The following FGF12 variants were observed in gnomAD, a reference collection of about 807,000 sequenced individuals.
FGF12 encodes the protein fibroblast growth factor 12.
Under a neutral mutation model 23.6 loss-of-function variants are expected in FGF12, and 14 were observed. That is an observed-to-expected ratio of 0.59 (90% CI 0.39 to 0.93). The LOEUF is 0.93. Among genes scored for constraint, FGF12 ranks in the 40% least tolerant of loss-of-function variants. The pLI is 0.00. For synonymous variants in FGF12, 62 were observed against 77.3 expected (o/e 0.80, Z 1.04); for missense variants, 175 against 217.8 (o/e 0.80, Z 1.24).
chr3:192,538,358 C>G (rs1175361548), intron 2 of FGF12, among the ~76,000 whole-genome samples: 3 of 152,128 alleles, frequency 2.0e-5, no homozygotes, highest in African/African-American at 7.2e-5. Context: ...TTCTTAGCTC[C>G]ACTTATTGAA....
At chr3:192,456,659 C>T (rs1477111844) in intron 2 of FGF12, among the ~76,000 whole-genome samples, 1 of 151,580 alleles carries the variant, frequency 6.6e-6, no homozygotes, top group African/African-American at 2.4e-5. Context: ...ACTTAAATAC[C>T]ACCACCTAGA....
chr3:192,307,135 T>G (rs1449274017), intron 4 of FGF12, among the ~76,000 whole-genome samples: 1 of 152,210 alleles, frequency 6.6e-6, no homozygotes, highest in Non-Finnish European at 1.5e-5. Context: ...AGGCATCATT[T>G]CATGTGATGG....
Position 192,638,732 on chromosome 3 carries a change from G to A in FGF12, c.13+88449C>T, listed in dbSNP as rs937104138. Among the ~76,000 whole-genome samples the A allele has an allele frequency of 5.1e-4, 78 of 152,174 alleles. 1 individual carries two copies. Among genetic ancestry groups the A allele is most frequent in the Non-Finnish European group, 5.9e-5 (4 of 68,028 alleles). On this transcript the variant is annotated intron_variant, in intron 2 of 5. Coordinates refer to ENST00000445105, the MANE Select transcript of FGF12 (RefSeq NM_004113.6). ...GGTATTAGTTCTCTGTTTTATAGAT[G>A]TGCTCATTTAGCATGAGTTACAGCC... is the stretch of plus-strand genomic sequence containing the variant.
chr3:192,389,304 G>T (rs745424898), intron 2 of FGF12, among the ~76,000 whole-genome samples: 5 of 152,314 alleles, frequency 3.3e-5, no homozygotes, highest in Non-Finnish European at 7.3e-5. Flanking sequence ...AGGTTGCAGT[G>T]AGCAGAGAAG....
chr3:192,165,805 G>C (rs145132925), intron 5 of FGF12, among the ~76,000 whole-genome samples: 124 of 152,256 alleles, frequency 8.1e-4, no homozygotes, highest in Non-Finnish European at 1.6e-3. Context: ...TCAGATTGAA[G>C]GGCAACATAG....
At chr3:192,354,547 TAAG>T (rs1217630445) in intron 3 of FGF12, among the ~76,000 whole-genome samples, 3 of 151,580 alleles carry the variant, frequency 2.0e-5, no homozygotes, top group Non-Finnish European at 4.4e-5. Context: ...TTCCTAAAAA[TAAG>T]AAAAGACATT....
At chr3:192,628,173 T>C (rs927971655) in intron 2 of FGF12, among the ~76,000 whole-genome samples, 2 of 152,126 alleles carry the variant, frequency 1.3e-5, no homozygotes, top group East Asian at 3.8e-4. Context: ...TTGTTAGATA[T>C]CAATAGTTTG....
At chr3:192,300,409 C>A (rs1715274729) in intron 4 of FGF12, among the ~76,000 whole-genome samples, 1 of 152,010 alleles carries the variant, frequency 6.6e-6, no homozygotes, top group African/African-American at 2.4e-5. Flanking sequence ...TAATAGTTTA[C>A]CTTAATTTTT....
Position 192,283,990 on chromosome 3 carries a change from A to T in FGF12, c.228+51371T>A, listed in dbSNP as rs138627634. On this transcript the variant is annotated intron_variant, in intron 4 of 5. Coordinates refer to ENST00000445105, the MANE Select transcript of FGF12 (RefSeq NM_004113.6). The stretch of plus-strand genomic sequence containing the variant: ...TAAGAACATTTGGGATCACTTACAG[A>T]CACAGCTTTCTCCACAGGTAGGCTC... Among the ~76,000 whole-genome samples, 153 of 152,186 alleles carry T rather than the reference A, an allele frequency of 1.0e-3. 1 individual carries two copies. In the East Asian group the frequency reaches 0.026, roughly 26 times the overall value.
intron 2 of FGF12, among the ~76,000 whole-genome samples, chr3:192,550,361 T>C (rs891616587): frequency 6.7e-6 from 1 of 149,874 alleles, no homozygotes; most frequent in Non-Finnish European, 1.5e-5. Flanking sequence ...ATATAATAGA[T>C]TATATGTGTG....
In FGF12 at chr3:192,408,486, C is replaced by T. The variant is rs1225871920; in HGVS notation, c.14-47948G>A. Reference sequence around the variant, plus strand: ...GGGGGCGGGGCGGGGCGGTCCCAGGCCCTCTTGCGAAGTAGACGTTTGCAC... The same window carrying T: ...GGGGGCGGGGCGGGGCGGTCCCAGGTCCTCTTGCGAAGTAGACGTTTGCAC... On this transcript the variant is annotated intron_variant, in intron 2 of 5. Transcript: ENST00000445105. This position sits in a 1 kb window ranked among gnomAD's most constrained non-coding sequence, Gnocchi z 7.3. 3.8e-6 allele frequency: 5 copies of T among 1,315,316 alleles called. No individual in the cohort carries two copies. Among genetic ancestry groups the T allele is most frequent in the Non-Finnish European group, 4.8e-6 (5 of 1,034,488 alleles). The allele number at this position is 1,315,316 out of a possible 1,614,324, so 81.5% of individuals were successfully genotyped here.
At chr3:192,575,530 A>AGAGGAGGAG (rs1331264614) in intron 2 of FGF12, among the ~76,000 whole-genome samples, 1 of 151,970 alleles carries the variant, frequency 6.6e-6, no homozygotes, top group Non-Finnish European at 1.5e-5. Flanking sequence ...AAGAGGAGGA[A>AGAGGAGGAG]GAGGAGGAGG....
chr3:192,172,316 G>A (rs1375147656), intron 4 of FGF12, among the ~76,000 whole-genome samples: 1 of 150,182 alleles, frequency 6.7e-6, no homozygotes, highest in African/African-American at 2.4e-5. Context: ...TTGAACCAGG[G>A]AGGTGGATGT....
chr3:192,207,078 C>T (rs1717690260), intron 4 of FGF12, among the ~76,000 whole-genome samples: 1 of 152,132 alleles, frequency 6.6e-6, no homozygotes, highest in Non-Finnish European at 1.5e-5. Context: ...AAAATGGGAT[C>T]AAATCAAAGC....
chr3:192,693,022 A>G (rs1717996546), intron 2 of FGF12, among the ~76,000 whole-genome samples: 1 of 152,130 alleles, frequency 6.6e-6, no homozygotes, highest in Non-Finnish European at 1.5e-5. Context: ...TCCTATTTGC[A>G]GGTGACATGA....
intron 2 of FGF12, among the ~76,000 whole-genome samples, chr3:192,649,150 T>C (rs1239461916): frequency 2.6e-5 from 4 of 152,190 alleles, no homozygotes; most frequent in Non-Finnish European, 5.9e-5. Flanking sequence ...GTAGCCATGA[T>C]ATGATTTAAC....
chr3:192,524,022 A>G (rs1724883442), intron 2 of FGF12, among the ~76,000 whole-genome samples: 1 of 152,066 alleles, frequency 6.6e-6, no homozygotes, highest in Non-Finnish European at 1.5e-5. Context: ...AAGTCAACTC[A>G]TGGTAGACAT....
intron 2 of FGF12, among the ~76,000 whole-genome samples, chr3:192,564,081 T>C (rs1712167259): frequency 6.6e-6 from 1 of 152,120 alleles, no homozygotes; most frequent in African/African-American, 2.4e-5. Flanking sequence ...TGTTTGTTTT[T>C]GAGACACAGT....
intron 2 of FGF12, among the ~76,000 whole-genome samples, chr3:192,631,024 T>G (rs1221605588): frequency 6.6e-6 from 1 of 152,166 alleles, no homozygotes; most frequent in Admixed American, 6.5e-5. Flanking sequence ...TTTACTAAAC[T>G]GTCTCCGGTT....
Sources: gnomAD v4.1 joint callset for allele counts (sites outside exome capture counted in the v4.1 genomes callset) on GRCh38, gnomAD v4.1.1 for gene constraint, Gnocchi (gnomAD v3.1) non-coding constraint, MANE v1.5 for transcripts, NCBI Gene and HGNC (gene_info 2026-07-23, HGNC 2026-07-21) for gene names.